ZMYND8: variants seen among roughly 807,000 people sequenced by gnomAD.
ZMYND8 encodes MYND-type zinc finger-containing chromatin reader ZMYND8.
A neutral mutation model predicts 140.8 loss-of-function variants in ZMYND8; 37 were observed. The ratio of observed to expected loss-of-function variants is 0.26; its 90% confidence interval spans 0.20 to 0.35. ZMYND8 has a LOEUF of 0.35. ZMYND8 is among the 10% of genes least tolerant of loss of function. ZMYND8 has a pLI of 1.00. For missense variants in ZMYND8, 1,068 were observed against 1,570.0 expected (o/e 0.68, Z 5.40); for synonymous variants, 592 against 597.1 (o/e 0.99, Z 0.12).
At chr20:47,221,274 G>C in intron 20 of ZMYND8, 40 bp downstream of exon 20, 1 of 1,610,660 alleles carries the variant, frequency 6.2e-7, no homozygotes. Context: ...TTGGCACAAA[G>C]GGTAGATGTC....
At chr20:47,317,955 T>C (rs1028289432) in intron 2 of ZMYND8, among the ~76,000 whole-genome samples, 6 of 152,172 alleles carry the variant, frequency 3.9e-5, no homozygotes, top group African/African-American at 1.2e-4. Context: ...GTATAATACC[T>C]GGCAAATAGT....
intron 1 of ZMYND8, chr20:47,348,292 T>C (rs2082495253): frequency 3.4e-6 from 1 of 292,662 alleles, no homozygotes; most frequent in Non-Finnish European, 6.6e-6. Context: ...GGCAGGGAGG[T>C]TGGAGGTGTT....
At position 47,309,557 on chromosome 20, in the gene ZMYND8, T is replaced by C. The variant is rs138607518; in HGVS notation, c.234+499A>G. ...CTCTTGACCTCGTGATCGACCTGCC[T>C]CGGCCTCCCAAAGTGCTGGGGTTAC... On this transcript the variant is annotated intron_variant, in intron 3 of 22. Coordinates refer to ENST00000471951, the MANE Select transcript of ZMYND8 (RefSeq NM_001281775.3). Among the ~76,000 whole-genome samples, 815 of 152,186 alleles carry C rather than the reference T, an allele frequency of 5.4e-3. 12 individuals are homozygous for C. The highest frequency in any genetic ancestry group is 0.018 in the African/African-American group (767 of 41,500).
intron 2 of ZMYND8, among the ~76,000 whole-genome samples, chr20:47,325,030 G>A (rs967398731): frequency 6.6e-6 from 1 of 151,988 alleles, no homozygotes; most frequent in Non-Finnish European, 1.5e-5. Context: ...TCAGCCTCTC[G>A]AGTAGCTGGG....
Position 47,267,883 on chromosome 20 carries a change from G to A in ZMYND8, c.1481-5455C>T, listed in dbSNP as rs931814885. On this transcript the variant is annotated intron_variant, in intron 11 of 22. Coordinates refer to ENST00000471951, the MANE Select transcript of ZMYND8 (RefSeq NM_001281775.3). Reference sequence around the variant, plus strand: ...CGCCCACCCTAGATCACACTGGCTCGAATTCCTCCATGGTCAGGTCCCAGC... The same window carrying A: ...CGCCCACCCTAGATCACACTGGCTCAAATTCCTCCATGGTCAGGTCCCAGC... 3.9e-5 allele frequency among the ~76,000 whole-genome samples: 6 copies of A among 152,220 alleles called. 1 individual carries two copies. Among genetic ancestry groups the A allele is most frequent in the South Asian group, 2.1e-4 (1 of 4,818 alleles).
intron 10 of ZMYND8, 108 bp from the exon 11 acceptor site, chr20:47,276,903 A>G: frequency 4.2e-6 from 3 of 712,328 alleles, no homozygotes; most frequent in Non-Finnish European, 5.8e-6. Flanking sequence ...CAAGATTCTT[A>G]TTCTATTAAA....
Position 47,213,760 on chromosome 20 carries a change from T to C in ZMYND8, c.3485-1035A>G, listed in dbSNP as rs190574758. Among the ~76,000 whole-genome samples, 8 of 152,228 alleles carry C rather than the reference T, an allele frequency of 5.3e-5. No homozygotes were observed. The East Asian group carries it at 1.4e-3, about 26-fold the overall frequency. ...ACATAAAATAGCAACCTCAGTAGTG[T>C]GGGAAGAGGAAGAGAAGAGTAACTC... On this transcript the variant is annotated intron_variant, in intron 21 of 22. Coordinates refer to ENST00000471951, the MANE Select transcript of ZMYND8 (RefSeq NM_001281775.3).
chr20:47,298,956 T>C lies in ZMYND8; in HGVS notation c.235-9A>G. ...CCATGTCTTAGTTCTGACTGAAATG[T>C]AGGCAAAAAGACAGGTTTGGTTTCA... On this transcript the variant is annotated splice_polypyrimidine_tract_variant and intron_variant, in intron 3 of 22. Coordinates refer to ENST00000471951, the MANE Select transcript of ZMYND8 (RefSeq NM_001281775.3). The surrounding 1 kb of genome is among the most constrained non-coding windows in gnomAD (Gnocchi z 5.0). 6.2e-7 allele frequency: 1 copy of C among 1,612,688 alleles called. No individual in the cohort carries two copies. The highest frequency in any genetic ancestry group is 8.5e-7 in the Non-Finnish European group (1 of 1,178,756).
intron 3 of ZMYND8, among the ~76,000 whole-genome samples, chr20:47,299,653 G>T (rs1601710099): frequency 6.6e-6 from 1 of 151,958 alleles, no homozygotes; most frequent in Non-Finnish European, 1.5e-5. Context: ...CACAATCTTG[G>T]CTCCACTGCA....
intron 12 of ZMYND8, among the ~76,000 whole-genome samples, chr20:47,255,749 T>C (rs2074626287): frequency 1.0e-5 from 1 of 100,006 alleles, no homozygotes; most frequent in South Asian, 3.2e-4. Flanking sequence ...TATATATATA[T>C]ATATATATAT....
At chr20:47,344,415 A>G (rs2082171261) in intron 2 of ZMYND8, among the ~76,000 whole-genome samples, 2 of 152,212 alleles carry the variant, frequency 1.3e-5, no homozygotes, top group Admixed American at 1.3e-4. Flanking sequence ...AACACATTAT[A>G]CAAATCCCAA....
At chr20:47,351,081 A>G (rs1023014597) in intron 1 of ZMYND8, among the ~76,000 whole-genome samples, 3 of 152,180 alleles carry the variant, frequency 2.0e-5, no homozygotes, top group Non-Finnish European at 2.9e-5. Context: ...ATCCCATCCC[A>G]AAAAGAATAA....
At chr20:47,270,162 C>G (rs762618819) in intron 11 of ZMYND8, among the ~76,000 whole-genome samples, 1 of 150,796 alleles carries the variant, frequency 6.6e-6, no homozygotes, top group Non-Finnish European at 1.5e-5. Context: ...TGCTTGAGCC[C>G]AAGAGTTGAA....
intron 3 of ZMYND8, among the ~76,000 whole-genome samples, chr20:47,308,103 G>C (rs1195656064): frequency 1.4e-5 from 2 of 141,800 alleles, no homozygotes; most frequent in Non-Finnish European, 3.0e-5. Context: ...GGGTGACAGA[G>C]TCAGACTCTG....
intron 2 of ZMYND8, among the ~76,000 whole-genome samples, chr20:47,317,411 G>A (rs1351815900): frequency 7.4e-6 from 1 of 135,376 alleles, no homozygotes; most frequent in Non-Finnish European, 1.6e-5. Context: ...CCCCACTCCT[G>A]CCCCCACATC....
At chr20:47,256,585 A>C (rs997889161) in intron 12 of ZMYND8, among the ~76,000 whole-genome samples, 1 of 152,190 alleles carries the variant, frequency 6.6e-6, no homozygotes, top group Non-Finnish European at 1.5e-5. Context: ...GCGCCACTGC[A>C]CTCCAGCGTG....
At chr20:47,211,762 G>C (rs1234457398) in intron 22 of ZMYND8, among the ~76,000 whole-genome samples, 3 of 152,174 alleles carry the variant, frequency 2.0e-5, no homozygotes, top group African/African-American at 7.2e-5. Flanking sequence ...CTTAAGGTGG[G>C]TGATAATGTT....
At chr20:47,297,849 A>C (rs940765401) in intron 4 of ZMYND8, among the ~76,000 whole-genome samples, 1 of 152,232 alleles carries the variant, frequency 6.6e-6, no homozygotes, top group African/African-American at 2.4e-5. Context: ...GCCACCTCCA[A>C]ACAGTGGAAA....
At chr20:47,236,270 T>C in intron 16 of ZMYND8, 56 bp downstream of exon 16, 1 of 1,607,394 alleles carries the variant, frequency 6.2e-7, no homozygotes, top group Non-Finnish European at 8.5e-7. Context: ...GAGACCAAGA[T>C]TCTGGCATCC....
Sources: gnomAD v4.1 joint callset for allele counts (sites outside exome capture counted in the v4.1 genomes callset) on GRCh38, gnomAD v4.1.1 for gene constraint, Gnocchi (gnomAD v3.1) non-coding constraint, MANE v1.5 for transcripts, NCBI Gene and HGNC (gene_info 2026-07-23, HGNC 2026-07-21) for gene names.